The following LRRC8D variants were observed in gnomAD, a reference collection of about 807,000 sequenced individuals.
The protein encoded by LRRC8D is volume-regulated anion channel subunit LRRC8D.
Under a neutral mutation model 55.8 loss-of-function variants are expected in LRRC8D, and 20 were observed. The ratio of observed to expected loss-of-function variants is 0.36; its 90% CI spans 0.25 to 0.52. The LOEUF (loss-of-function observed/expected upper bound fraction) is 0.52, where lower values mean the gene tolerates loss of function less well. LRRC8D is among the 20% of genes least tolerant of loss of function. The pLI is 0.93. For missense variants in LRRC8D, 651 were observed against 1,030.8 expected, an observed-to-expected ratio of 0.63 and a Z score of 5.05; for synonymous variants, 352 against 377.0, an observed-to-expected ratio of 0.93 and a Z score of 0.77.
At chr1:89,912,341 A>G (rs1260366827) in intron 2 of LRRC8D, among the ~76,000 whole-genome samples, 1 of 152,140 alleles carries the variant, frequency 6.6e-6, no homozygotes, top group Non-Finnish European at 1.5e-5. Context: ...ATCTTACAAT[A>G]TTGAACTTTC....
intron 2 of LRRC8D, among the ~76,000 whole-genome samples, chr1:89,885,084 A>C (rs1662384403): frequency 6.6e-6 from 1 of 152,210 alleles, no homozygotes; most frequent in African/African-American, 2.4e-5. Flanking sequence ...AACCTATTTT[A>C]TGTTATTGTG....
intron 2 of LRRC8D, among the ~76,000 whole-genome samples, chr1:89,869,299 A>T (rs983987670): frequency 6.6e-6 from 1 of 152,200 alleles, no homozygotes; most frequent in Non-Finnish European, 1.5e-5. Context: ...AAATGACCTG[A>T]TGGAGCTGAA....
intron 2 of LRRC8D, among the ~76,000 whole-genome samples, chr1:89,850,835 A>T (rs1290225234): frequency 2.0e-5 from 3 of 152,258 alleles, no homozygotes; most frequent in Admixed American, 6.5e-5. Flanking sequence ...TATTGTTATG[A>T]TTGATACATT....
chr1:89,840,206 C>T (rs965319586), intron 1 of LRRC8D, among the ~76,000 whole-genome samples: 3 of 149,934 alleles, frequency 2.0e-5, no homozygotes, highest in Non-Finnish European at 3.0e-5. Flanking sequence ...TATACATACA[C>T]GTGCACACAC....
intron 2 of LRRC8D, among the ~76,000 whole-genome samples, chr1:89,884,017 C>G (rs1662345716): frequency 6.6e-6 from 1 of 152,154 alleles, no homozygotes; most frequent in South Asian, 2.1e-4. Context: ...ATTACTGATT[C>G]TTTGTAGGTA....
At chr1:89,868,070 G>A (rs1302794065) in intron 2 of LRRC8D, among the ~76,000 whole-genome samples, 1 of 152,172 alleles carries the variant, frequency 6.6e-6, no homozygotes, top group Non-Finnish European at 1.5e-5. Context: ...GGAGGAAAGA[G>A]AAAAAGAGGC....
intron 1 of LRRC8D, among the ~76,000 whole-genome samples, chr1:89,832,710 T>C (rs1041250629): frequency 3.9e-5 from 6 of 152,194 alleles, no homozygotes; most frequent in African/African-American, 1.4e-4. Context: ...TGGAAGATCC[T>C]ATCAGGAAGT....
chr1:89,836,970 T>C (rs1196816735), intron 1 of LRRC8D, among the ~76,000 whole-genome samples: 1 of 152,248 alleles, frequency 6.6e-6, no homozygotes, highest in African/African-American at 2.4e-5. Context: ...TACTAGTAGA[T>C]GTAGCCAGTG....
intron 1 of LRRC8D, chr1:89,843,431 C>G (rs977049054): frequency 2.7e-6 from 1 of 363,848 alleles, no homozygotes; most frequent in Non-Finnish European, 4.9e-6. Flanking sequence ...GCAGGGGGGG[C>G]CCGGGCCGAG....
chr1:89,925,667 A>G (rs1160304324), intron 2 of LRRC8D, among the ~76,000 whole-genome samples: 1 of 152,240 alleles, frequency 6.6e-6, no homozygotes, highest in Non-Finnish European at 1.5e-5. Context: ...TGCTTTATAC[A>G]CATACACACT....
chr1:89,841,816 G>C (rs2100739458), intron 1 of LRRC8D, among the ~76,000 whole-genome samples: 1 of 152,328 alleles, frequency 6.6e-6, no homozygotes. Context: ...GGTGGTTAAA[G>C]AAACTGCCTA....
At chr1:89,932,191 T>G (rs1663720893) in intron 2 of LRRC8D, among the ~76,000 whole-genome samples, 1 of 152,234 alleles carries the variant, frequency 6.6e-6, no homozygotes, top group South Asian at 2.1e-4. Flanking sequence ...CGGGGCTTCA[T>G]TCATGGCTGC....
chr1:89,913,238 T>A (rs1333448097), intron 2 of LRRC8D, among the ~76,000 whole-genome samples: 1 of 152,222 alleles, frequency 6.6e-6, no homozygotes, highest in African/African-American at 2.4e-5. Context: ...CAAATGAGGC[T>A]GGGAAATGTT....
intron 1 of LRRC8D, among the ~76,000 whole-genome samples, chr1:89,828,559 C>A (rs1660816259): frequency 6.6e-6 from 1 of 152,002 alleles, no homozygotes; most frequent in Non-Finnish European, 1.5e-5. Flanking sequence ...TTTTTGGTGT[C>A]ATTTCTAGGT....
At chr1:89,835,164 A>AT (rs1341311499) in intron 1 of LRRC8D, among the ~76,000 whole-genome samples, 2 of 152,272 alleles carry the variant, frequency 1.3e-5, no homozygotes, top group East Asian at 3.9e-4. Context: ...AGTGGTTCAC[A>AT]TCTTGGGTAG....
chr1:89,866,883 A>T (rs1023488571), intron 2 of LRRC8D, among the ~76,000 whole-genome samples: 1 of 149,406 alleles, frequency 6.7e-6, no homozygotes, highest in African/African-American at 2.4e-5. Flanking sequence ...AATCAGATAG[A>T]TACTTACACT....
At chr1:89,890,783 T>C (rs1662557154) in intron 2 of LRRC8D, among the ~76,000 whole-genome samples, 1 of 152,204 alleles carries the variant, frequency 6.6e-6, no homozygotes, top group Non-Finnish European at 1.5e-5. Context: ...TTTTGCCAGT[T>C]TTCCTACTAA....
chr1:89,893,816 A>C (rs1051783166), intron 2 of LRRC8D, among the ~76,000 whole-genome samples: 1 of 152,184 alleles, frequency 6.6e-6, no homozygotes, highest in African/African-American at 2.4e-5. Context: ...AGTTTTTTAG[A>C]TGAATATCTG....
intron 2 of LRRC8D, among the ~76,000 whole-genome samples, chr1:89,929,204 G>A (rs1322369915): frequency 6.6e-6 from 1 of 152,186 alleles, no homozygotes; most frequent in African/African-American, 2.4e-5. Context: ...GAGTATTGTG[G>A]GAACACATGG....
Sources: allele counts gnomAD v4.1 joint callset (sites outside exome capture counted in the v4.1 genomes callset), GRCh38; gene constraint gnomAD v4.1.1; transcripts MANE v1.5; gene names NCBI Gene and HGNC (gene_info 2026-07-23, HGNC 2026-07-21).